The following RGS7 variants were observed in gnomAD, a reference collection of about 807,000 sequenced individuals.
RGS7 encodes the protein regulator of G protein signaling 7, also known as regulator of G-protein signaling 7.
In RGS7, 27 loss-of-function variants were observed where a neutral mutation model predicts 81.1. The ratio of observed to expected loss-of-function variants is 0.33; its 90% CI spans 0.25 to 0.46. The LOEUF is 0.46. Ranked by LOEUF, RGS7 falls within the 20% of genes least tolerant of loss-of-function variation. The pLI is 1.00. For missense variants in RGS7, 396 were observed against 607.4 expected (o/e 0.65, Z 3.66); for synonymous variants, 208 against 207.7 (o/e 1.00, Z -0.01).
chr1:241,352,682 A>G (rs2083321256), intron 2 of RGS7, among the ~76,000 whole-genome samples: 1 of 152,180 alleles, frequency 6.6e-6, no homozygotes, highest in Non-Finnish European at 1.5e-5. Flanking sequence ...CTACCTTAAC[A>G]ATCAGAGTTT....
intron 3 of RGS7, among the ~76,000 whole-genome samples, chr1:240,999,851 C>T (rs747008770): frequency 7.2e-5 from 11 of 152,194 alleles, no homozygotes; most frequent in Non-Finnish European, 1.5e-5. Flanking sequence ...AATCCACCCA[C>T]CTCGGCCTAT....
intron 2 of RGS7, among the ~76,000 whole-genome samples, chr1:241,170,924 G>C (rs1305322419): frequency 6.6e-6 from 1 of 152,214 alleles, no homozygotes; most frequent in East Asian, 1.9e-4. Context: ...ATCATTTTAG[G>C]ATAGTGAGAC....
At chr1:240,826,500 C>T (rs1484749522) in intron 10 of RGS7, among the ~76,000 whole-genome samples, 1 of 152,212 alleles carries the variant, frequency 6.6e-6, no homozygotes, top group African/African-American at 2.4e-5. Context: ...GCTGTGTTCT[C>T]AAAGCGACTG....
intron 2 of RGS7, among the ~76,000 whole-genome samples, chr1:241,121,563 G>A (rs369782023): frequency 2.0e-5 from 3 of 152,118 alleles, no homozygotes; most frequent in African/African-American, 7.2e-5. Context: ...GTCTGGGAGT[G>A]AGGGTGGATG....
At chr1:240,959,336 A>C (rs1350656649) in intron 4 of RGS7, among the ~76,000 whole-genome samples, 1 of 152,210 alleles carries the variant, frequency 6.6e-6, no homozygotes, top group Non-Finnish European at 1.5e-5. Flanking sequence ...GTATACTTAC[A>C]CAAACCTAGA....
intron 3 of RGS7, among the ~76,000 whole-genome samples, chr1:241,002,043 T>C (rs1223802781): frequency 6.6e-6 from 1 of 152,166 alleles, no homozygotes; most frequent in African/African-American, 2.4e-5. Context: ...TGGTTGGGAC[T>C]TGTTGGTAGT....
chr1:240,983,074 T>C lies in RGS7; in HGVS notation c.226+5A>G, dbSNP rs771699946. On this transcript the variant is annotated splice_donor_5th_base_variant and intron_variant, in intron 4 of 18. Coordinates refer to ENST00000440928, the MANE Select transcript of RGS7 (RefSeq NM_001364886.1). ...GTTCTTGCAATGGGAAAATGATTTA[T>C]TTACCTGGATCTTCTATAGTTAAGT... 1 of 1,507,926 alleles carries C rather than the reference T, an allele frequency of 6.6e-7. No homozygotes were observed. The highest frequency in any genetic ancestry group is 1.7e-5 in the Admixed American group (1 of 59,524). 93.4% of individuals were successfully genotyped at this position (1,507,926 alleles called of 1,614,324 possible). A position where few individuals can be genotyped will look rare whatever the true frequency, so the allele number is the denominator to read the frequency against.
intron 6 of RGS7, among the ~76,000 whole-genome samples, chr1:240,891,531 CA>C (rs1326692572): frequency 6.6e-6 from 1 of 152,026 alleles, no homozygotes; most frequent in Non-Finnish European, 1.5e-5. Flanking sequence ...AAAATGAAGT[CA>C]TTTTTTTCAA....
intron 2 of RGS7, among the ~76,000 whole-genome samples, chr1:241,334,044 T>A (rs913842192): frequency 6.8e-5 from 10 of 147,968 alleles, no homozygotes; most frequent in African/African-American, 2.5e-4. Context: ...ATATATATAG[T>A]ATATACATAC....
chr1:241,078,890 C>G (rs1038983828), intron 3 of RGS7, among the ~76,000 whole-genome samples: 2 of 152,034 alleles, frequency 1.3e-5, no homozygotes, highest in Non-Finnish European at 2.9e-5. Flanking sequence ...AGAAATGGCA[C>G]GAAAATCCAG....
intron 3 of RGS7, among the ~76,000 whole-genome samples, chr1:241,094,256 C>T (rs534809799): frequency 6.6e-6 from 1 of 151,576 alleles, no homozygotes; most frequent in Admixed American, 6.6e-5. Flanking sequence ...CACACACACA[C>T]ACACACACAC....
At chr1:241,090,309 A>G (rs554120019) in intron 3 of RGS7, among the ~76,000 whole-genome samples, 8 of 152,024 alleles carry the variant, frequency 5.3e-5, no homozygotes, top group African/African-American at 1.7e-4. Flanking sequence ...GAAGAGGGGG[A>G]TAAGAAGAGT....
At chr1:241,150,280 T>C (rs2103126564) in intron 2 of RGS7, among the ~76,000 whole-genome samples, 1 of 152,370 alleles carries the variant, frequency 6.6e-6, no homozygotes, top group South Asian at 2.1e-4. Flanking sequence ...TATAGAGATG[T>C]ATATTTTCAC....
At chr1:240,800,567 AG>A in intron 18 of RGS7, 73 bp downstream of exon 18, 1 of 840,872 alleles carries the variant, frequency 1.2e-6, no homozygotes, top group Non-Finnish European at 1.8e-6. Context: ...ACACACACAC[AG>A]CAGCATGGAG....
intron 3 of RGS7, among the ~76,000 whole-genome samples, chr1:241,039,296 G>A (rs981590786): frequency 6.6e-6 from 1 of 152,242 alleles, no homozygotes; most frequent in African/African-American, 2.4e-5. Context: ...GGCATGAGGT[G>A]TGGGTTGTGA....
intron 3 of RGS7, among the ~76,000 whole-genome samples, chr1:241,012,230 C>T (rs149825218): frequency 3.9e-5 from 6 of 152,072 alleles, no homozygotes; most frequent in Admixed American, 6.6e-5. Flanking sequence ...GGGCAACACG[C>T]AGATACACAA....
At position 240,834,512 on chromosome 1, in the gene RGS7, T is replaced by TG. The variant is rs111459047; in HGVS notation, c.610-7341_610-7340insC. ...TCTTTATTTTTATTTTTAAGGTTTTTTTTGTTTGTTTGTTTTGAGATGGAG... is the reference window on the plus strand; with the variant it reads ...TCTTTATTTTTATTTTTAAGGTTTTTGTTTGTTTGTTTGTTTTGAGATGGAG... On this transcript the variant is annotated intron_variant, in intron 9 of 18. Coordinates refer to ENST00000440928, the MANE Select transcript of RGS7 (RefSeq NM_001364886.1). Among the ~76,000 whole-genome samples, 712 of 152,180 alleles carry TG rather than the reference T, an allele frequency of 4.7e-3. 8 individuals carry two copies. The highest frequency in any genetic ancestry group is 0.017 in the African/African-American group (690 of 41,542).
At position 240,973,221 on chromosome 1, in the gene RGS7, T is replaced by C. The variant is rs929538687; in HGVS notation, c.226+9858A>G. ...TCATGATATTGATATGATAATCAAG[T>C]AAAATAATTTAATTAAGGCTGGGGG... On this transcript the variant is annotated intron_variant, in intron 4 of 18. Transcript: ENST00000440928. 5.9e-5 allele frequency among the ~76,000 whole-genome samples: 9 copies of C among 152,248 alleles called. No individual in the cohort carries two copies. The East Asian group carries it at 1.7e-3, about 30-fold the overall frequency.
At chr1:241,123,372 C>G (rs2066421744) in intron 2 of RGS7, among the ~76,000 whole-genome samples, 1 of 152,238 alleles carries the variant, frequency 6.6e-6, no homozygotes, top group Non-Finnish European at 1.5e-5. Flanking sequence ...GACAATGCCA[C>G]TATTCCCACC....
Sources: gnomAD v4.1 joint callset for allele counts (sites outside exome capture counted in the v4.1 genomes callset) on GRCh38, gnomAD v4.1.1 for gene constraint, MANE v1.5 for transcripts, NCBI Gene and HGNC (gene_info 2026-07-23, HGNC 2026-07-21) for gene names.